Variants in SLC71A2 observed in about 807,000 individuals in gnomAD.
SLC71A2 encodes the protein solute carrier family 71 member 2.
the SLC71A2 span, among the ~76,000 whole-genome samples, chr9:94,439,310 T>G: frequency 1.2e-4 from 4 of 33,750 alleles, no homozygotes; most frequent in East Asian, 2.4e-3. Context: ...CGCAGCCCAA[T>G]TTTTTTTTTT....
the SLC71A2 span, chr9:94,456,335 A>AAGGTGAGG: frequency 4.3e-6 from 7 of 1,612,968 alleles, no homozygotes; most frequent in Non-Finnish European, 8.5e-7. Context: ...TCAGATCAGC[A>AAGGTGAGG]AGGTGAGGTC....
chr9:94,441,185 C>A, the SLC71A2 span: 1 of 660,202 alleles, frequency 1.5e-6, no homozygotes, highest in Non-Finnish European at 2.5e-6. Context: ...GTTTATTAGT[C>A]CTTTCTTGCA....
the SLC71A2 span, among the ~76,000 whole-genome samples, chr9:94,457,393 G>A: frequency 9.0e-6 from 1 of 110,734 alleles, no homozygotes; most frequent in Non-Finnish European, 1.9e-5. Context: ...ATGCCTAAGA[G>A]CCCTTTTTTT....
the SLC71A2 span, among the ~76,000 whole-genome samples, chr9:94,418,410 C>T: frequency 6.6e-6 from 1 of 151,960 alleles, no homozygotes; most frequent in Non-Finnish European, 1.5e-5. Flanking sequence ...TTTTTATATT[C>T]TATTTGAAAT....
At chr9:94,450,639 G>T in the SLC71A2 span, among the ~76,000 whole-genome samples, 1 of 151,600 alleles carries the variant, frequency 6.6e-6, no homozygotes, top group African/African-American at 2.4e-5. Context: ...ACAGGCACAC[G>T]CCACCACGTC....
chr9:94,453,341 G>C, the SLC71A2 span, among the ~76,000 whole-genome samples: 3 of 151,784 alleles, frequency 2.0e-5, no homozygotes, highest in Non-Finnish European at 2.9e-5. Context: ...GTAGCGACAG[G>C]GTTTCACCCT....
the SLC71A2 span, among the ~76,000 whole-genome samples, chr9:94,399,845 G>T: frequency 1.4e-5 from 2 of 145,960 alleles, no homozygotes; most frequent in African/African-American, 5.1e-5. Flanking sequence ...CGCTTTTGTT[G>T]CCCAGGCTGG....
At chr9:94,395,001 C>T in the SLC71A2 span, among the ~76,000 whole-genome samples, 1 of 114,868 alleles carries the variant, frequency 8.7e-6, no homozygotes, top group Non-Finnish European at 1.8e-5. Context: ...GCAACTTCCA[C>T]CTCCTGGGTT....
chr9:94,405,646 T>C, the SLC71A2 span, among the ~76,000 whole-genome samples: 6 of 152,208 alleles, frequency 3.9e-5, no homozygotes, highest in Non-Finnish European at 7.3e-5. Context: ...CTTTTTATTC[T>C]GTTGGTCTAC....
chr9:94,438,393 C>T, the SLC71A2 span: 4 of 1,614,124 alleles, frequency 2.5e-6, no homozygotes, highest in African/African-American at 4.0e-5. Context: ...CTTTGGTTTC[C>T]TCTCCAGGGC....
chr9:94,395,991 C>T, the SLC71A2 span, among the ~76,000 whole-genome samples: 5 of 150,810 alleles, frequency 3.3e-5, no homozygotes, highest in African/African-American at 9.8e-5. Context: ...GTTCAGGATA[C>T]GTTTAGAGAA....
the SLC71A2 span, among the ~76,000 whole-genome samples, chr9:94,386,355 C>G: frequency 6.6e-6 from 1 of 150,918 alleles, no homozygotes; most frequent in Non-Finnish European, 1.5e-5. Flanking sequence ...ACTAATTATT[C>G]TCCACTACTC....
the SLC71A2 span, among the ~76,000 whole-genome samples, chr9:94,381,902 T>G: frequency 1.8e-4 from 28 of 152,374 alleles, no homozygotes; most frequent in Admixed American, 1.3e-3. Flanking sequence ...TAATTCTAGT[T>G]CATCCATATC....
chr9:94,404,582 G>T, the SLC71A2 span, among the ~76,000 whole-genome samples: 1 of 152,142 alleles, frequency 6.6e-6, no homozygotes, highest in East Asian at 1.9e-4. Flanking sequence ...ATACATACAT[G>T]AGCCACCGCG....
chr9:94,414,728 C>T, the SLC71A2 span, among the ~76,000 whole-genome samples: 230 of 152,130 alleles, frequency 1.5e-3, 1 homozygote, highest in African/African-American at 4.8e-3. Context: ...GGCGGGATTT[C>T]GGCTCACTGC....
chr9:94,374,792 C>T, the SLC71A2 span: 1 of 607,172 alleles, frequency 1.6e-6, no homozygotes, highest in Non-Finnish European at 2.3e-6. Flanking sequence ...CCCGGAGCGC[C>T]CCGGGCTGGC....
At chr9:94,420,441 C>T in the SLC71A2 span, among the ~76,000 whole-genome samples, 2 of 152,066 alleles carry the variant, frequency 1.3e-5, no homozygotes, top group Admixed American at 1.3e-4. Flanking sequence ...AATAAATGCT[C>T]CCAGTTTGTT....
the SLC71A2 span, among the ~76,000 whole-genome samples, chr9:94,407,462 T>C: frequency 6.6e-6 from 1 of 150,682 alleles, no homozygotes; most frequent in African/African-American, 2.4e-5. Context: ...CACTGCAACC[T>C]CCGCCTCCCA....
chr9:94,403,339 T>TG, the SLC71A2 span, among the ~76,000 whole-genome samples: 1 of 151,852 alleles, frequency 6.6e-6, no homozygotes, highest in African/African-American at 2.4e-5. Flanking sequence ...GTTTGCACCA[T>TG]GTTGGCCACG....
Sources: allele counts gnomAD v4.1 joint callset (sites outside exome capture counted in the v4.1 genomes callset), GRCh38; gene constraint gnomAD v4.1.1; transcripts MANE v1.5; gene names NCBI Gene and HGNC (gene_info 2026-07-23, HGNC 2026-07-21).